Variants in NNT observed in about 807,000 individuals in gnomAD.
NNT encodes nicotinamide nucleotide transhydrogenase.
In NNT, 50 loss-of-function variants were observed where a neutral mutation model predicts 104.8. The ratio of observed to expected loss-of-function variants is 0.48; its 90% CI spans 0.38 to 0.60. NNT has a LOEUF of 0.60. Among genes scored for constraint, NNT ranks in the 20% least tolerant of loss-of-function variants. The pLI, the probability that NNT is intolerant of heterozygous loss-of-function variation, is 0.00. For synonymous variants in NNT, 461 were observed against 490.4 expected, an observed-to-expected ratio of 0.94 and a Z score of 0.79; for missense variants, 1,131 against 1,330.7, an observed-to-expected ratio of 0.85 and a Z score of 2.33.
chr5:43,673,614 A>T (rs1405869664), intron 17 of NNT, among the ~76,000 whole-genome samples: 3 of 152,230 alleles, frequency 2.0e-5, no homozygotes, highest in Non-Finnish European at 4.4e-5. Context: ...AATGTTTGGG[A>T]CGTCTCAGAT....
intron 17 of NNT, among the ~76,000 whole-genome samples, chr5:43,665,483 T>C (rs1486206034): frequency 6.6e-6 from 1 of 152,080 alleles, no homozygotes; most frequent in African/African-American, 2.4e-5. Flanking sequence ...AAGCACATCT[T>C]GCACCGCCCT....
At chr5:43,618,430 T>C (rs1230652116) in intron 4 of NNT, among the ~76,000 whole-genome samples, 2 of 152,132 alleles carry the variant, frequency 1.3e-5, no homozygotes, top group Non-Finnish European at 2.9e-5. Context: ...TCAAGGGAAG[T>C]GTTTCTTCTG....
chr5:43,634,838 A>C (rs1185261503), intron 7 of NNT, among the ~76,000 whole-genome samples: 1 of 152,172 alleles, frequency 6.6e-6, no homozygotes, highest in Non-Finnish European at 1.5e-5. Context: ...GGTGTATTTG[A>C]GCACACTTTG....
intron 19 of NNT, among the ~76,000 whole-genome samples, chr5:43,686,117 G>C (rs1377034954): frequency 2.6e-5 from 4 of 151,814 alleles, no homozygotes; most frequent in Admixed American, 2.0e-4. Flanking sequence ...TACTTTTTTT[G>C]AACTGTGCCT....
intron 10 of NNT, 63 bp downstream of exon 10, chr5:43,645,573 A>C (rs918743462): frequency 2.2e-5 from 22 of 995,050 alleles, no homozygotes; most frequent in African/African-American, 1.6e-4. Flanking sequence ...ATATATATAT[A>C]TATCTATAGA....
chr5:43,648,795 C>T (rs1438172107), intron 10 of NNT, among the ~76,000 whole-genome samples: 3 of 152,034 alleles, frequency 2.0e-5, no homozygotes, highest in South Asian at 2.1e-4. Flanking sequence ...GGCCTGTAAT[C>T]GGGAATAAAA....
intron 19 of NNT, among the ~76,000 whole-genome samples, chr5:43,697,504 AGTT>A (rs1483116055): frequency 6.6e-6 from 1 of 152,174 alleles, no homozygotes; most frequent in Non-Finnish European, 1.5e-5. Flanking sequence ...CCAGTTCCAA[AGTT>A]GTTTCCACAT....
chr5:43,660,613 A>T (rs1183745058), intron 17 of NNT, among the ~76,000 whole-genome samples: 1 of 152,182 alleles, frequency 6.6e-6, no homozygotes, highest in Non-Finnish European at 1.5e-5. Flanking sequence ...GGTTTAATTG[A>T]CTCACAGCTC....
chr5:43,604,416 G>A lies in NNT; in HGVS notation c.-54+1122G>A, dbSNP rs1211296274. Reference sequence around the variant, plus strand: ...GGATTGCCTTCTTTCCAGCAGGTGCGCTTAGGCTGCTTACCTTGGTGATAG... The same window carrying A: ...GGATTGCCTTCTTTCCAGCAGGTGCACTTAGGCTGCTTACCTTGGTGATAG... On this transcript the variant is annotated intron_variant, in intron 1 of 21. Transcript: ENST00000344920. Among the ~76,000 whole-genome samples the A allele has an allele frequency of 5.9e-5, 9 of 152,264 alleles. No individual in the cohort carries two copies. In the East Asian group the frequency reaches 7.7e-4, roughly 13 times the overall value.
At chr5:43,673,088 A>T (rs1171056815) in intron 17 of NNT, among the ~76,000 whole-genome samples, 1 of 152,226 alleles carries the variant, frequency 6.6e-6, no homozygotes, top group East Asian at 1.9e-4. Flanking sequence ...TGAGCCAGGC[A>T]TGGGCTATAA....
In NNT at chr5:43,655,994, C is replaced by T; in HGVS notation, c.2214C>T (p.Thr738=). 1.2e-6 allele frequency: 2 copies of T among 1,614,188 alleles called. No individual in the cohort carries two copies. Among genetic ancestry groups the T allele is most frequent in the South Asian group, 2.2e-5 (2 of 91,086 alleles). Residue 738 remains threonine, a synonymous_variant, in exon 15 of 22, where the codon ACC becomes ACT. Coordinates refer to ENST00000344920, the MANE Select transcript of NNT (RefSeq NM_182977.3). ...CTACGGATGCAGCAGCAAATCTCAC[C>T]AAGATTGTGGCCTACCTCGGCACTT... ...HFATDAAANL[T]KIVAYLGTYI...
At chr5:43,649,042 G>A in intron 10 of NNT, 105 bp from the exon 11 acceptor site, 2 of 1,288,794 alleles carry the variant, frequency 1.6e-6, no homozygotes, top group Non-Finnish European at 2.2e-6. Context: ...GCAAGGGAGT[G>A]GAATTTAAAA....
chr5:43,666,217 G>C (rs79644293), intron 17 of NNT, among the ~76,000 whole-genome samples: 1 of 152,260 alleles, frequency 6.6e-6, no homozygotes, highest in South Asian at 2.1e-4. Context: ...CTGCAATCTC[G>C]GCACTTTGGG....
chr5:43,620,613 G>T (rs1042144548), intron 5 of NNT, among the ~76,000 whole-genome samples: 3 of 151,770 alleles, frequency 2.0e-5, no homozygotes, highest in Non-Finnish European at 2.9e-5. Flanking sequence ...GCAAATAGTA[G>T]CTTTGAGAAA....
In NNT at chr5:43,694,738, T is replaced by TTGTGTGTGTG. The variant is rs61079918; in HGVS notation, c.2877-5347_2877-5338dup. ...TTCATCAAGGATATTGGCCTAAAGT[T>TTGTGTGTGTG]TGTGTGTGTGTGTGTGTGTGTGTGT... On this transcript the variant is annotated intron_variant, in intron 19 of 21. Coordinates refer to ENST00000344920, the MANE Select transcript of NNT (RefSeq NM_182977.3). 7.9e-3 allele frequency among the ~76,000 whole-genome samples: 1,089 copies of TTGTGTGTGTG among 137,902 alleles called. 26 individuals are homozygous for TTGTGTGTGTG. The East Asian group carries it at 0.087, about 11-fold the overall frequency. 90.5% of individuals were successfully genotyped at this position (137,902 alleles called of 152,430 possible).
intron 10 of NNT, 193 bp downstream of exon 10, chr5:43,645,703 A>ATT (rs1561286642): frequency 8.9e-5 from 9 of 101,150 alleles, no homozygotes; most frequent in Non-Finnish European, 1.3e-4. Flanking sequence ...ATATATATAT[A>ATT]TATATATTTT....
chr5:43,675,022 A>G (rs1741337250), intron 17 of NNT, among the ~76,000 whole-genome samples: 1 of 152,056 alleles, frequency 6.6e-6, no homozygotes, highest in African/African-American at 2.4e-5. Context: ...GACAGTATCA[A>G]CCCCCATATT....
intron 12 of NNT, among the ~76,000 whole-genome samples, chr5:43,650,789 AAAAC>A (rs1298052174): frequency 2.0e-5 from 3 of 152,254 alleles, no homozygotes; most frequent in African/African-American, 7.2e-5. Flanking sequence ...CCAGATCCCC[AAAAC>A]AAACAAACAA....
intron 7 of NNT, among the ~76,000 whole-genome samples, chr5:43,641,464 G>T (rs768923797): frequency 6.6e-6 from 1 of 151,914 alleles, no homozygotes; most frequent in Non-Finnish European, 1.5e-5. Flanking sequence ...ATAAGGAAAA[G>T]CACAGAGAAG....
Sources: allele counts gnomAD v4.1 joint callset (sites outside exome capture counted in the v4.1 genomes callset), GRCh38; gene constraint gnomAD v4.1.1; transcripts MANE v1.5; gene names NCBI Gene and HGNC (gene_info 2026-07-23, HGNC 2026-07-21).